The following NEGR1 variants were observed in gnomAD, a reference collection of about 807,000 sequenced individuals.
NEGR1 encodes the protein neuronal growth regulator 1.
A neutral mutation model predicts 40.9 loss-of-function variants in NEGR1; 10 were observed. The observed-to-expected ratio is 0.24, with a 90% CI of 0.15 to 0.42. The LOEUF (loss-of-function observed/expected upper bound fraction) is 0.42, where lower values mean the gene tolerates loss of function less well. NEGR1 is among the 10% of genes least tolerant of loss of function. NEGR1 has a pLI of 1.00. For synonymous variants in NEGR1, 185 were observed against 166.8 expected, an observed-to-expected ratio of 1.11 and a Z score of -0.84; for missense variants, 352 against 438.9, an observed-to-expected ratio of 0.80 and a Z score of 1.77.
At chr1:71,573,428 A>C (rs1648868169) in intron 6 of NEGR1, 2 of 152,384 alleles carry the variant, frequency 1.3e-5, no homozygotes, top group African/African-American at 2.4e-5. Context: ...TTCCATGGTC[A>C]CCAAGCAACC....
At chr1:71,520,834 T>G (rs1321284229) in intron 6 of NEGR1, among the ~76,000 whole-genome samples, 1 of 152,030 alleles carries the variant, frequency 6.6e-6, no homozygotes, top group African/African-American at 2.4e-5. Context: ...GAAGGTGATT[T>G]CACATATGAC....
At chr1:71,984,106 T>A (rs921437779) in intron 1 of NEGR1, among the ~76,000 whole-genome samples, 1 of 146,128 alleles carries the variant, frequency 6.8e-6, no homozygotes, top group Admixed American at 6.8e-5. Context: ...TTCAGTTATC[T>A]CTATGCTATC....
At chr1:71,913,252 T>A (rs1176043996) in intron 2 of NEGR1, among the ~76,000 whole-genome samples, 1 of 152,116 alleles carries the variant, frequency 6.6e-6, no homozygotes, top group Non-Finnish European at 1.5e-5. Flanking sequence ...GTAGCTGGGA[T>A]AACAGGCGCC....
intron 6 of NEGR1, among the ~76,000 whole-genome samples, chr1:71,526,122 A>G (rs1647213170): frequency 6.6e-6 from 1 of 151,604 alleles, no homozygotes; most frequent in African/African-American, 2.4e-5. Context: ...GTTTTCTGCT[A>G]TACTTTTATC....
rs10524992 is a variant in NEGR1 at position 71,834,887 on chromosome 1, T to TCACACACA, written c.410-58598_410-58591dup. On this transcript the variant is annotated intron_variant, in intron 2 of 6. Transcript: ENST00000357731. ...ACCGTCGTTTTAAGATTTTAGGAGA[T>TCACACACA]CACACACACACACACACACACAGCA... 8.4e-4 allele frequency among the ~76,000 whole-genome samples: 123 copies of TCACACACA among 146,352 alleles called. 1 individual carries two copies. The highest frequency in any genetic ancestry group is 2.7e-3 in the African/African-American group (108 of 39,678).
Position 72,282,308 on chromosome 1 carries a change from G to A in NEGR1, c.176+11C>T, listed in dbSNP as rs186841543. On this transcript the variant is annotated intron_variant, in intron 1 of 6. Coordinates refer to ENST00000357731, the MANE Select transcript of NEGR1 (RefSeq NM_173808.3). ...CCGAAACAAGTACGAAAAGCACGCC[G>A]TTCTTCCTACCTAAGCACCGCCGTG... 6.2e-7 allele frequency: 1 copy of A among 1,613,128 alleles called. No individual in the cohort carries two copies. The highest frequency in any genetic ancestry group is 2.2e-5 in the East Asian group (1 of 44,836).
chr1:71,493,003 C>T (rs533069388), intron 6 of NEGR1, among the ~76,000 whole-genome samples: 9 of 152,242 alleles, frequency 5.9e-5, no homozygotes, highest in African/African-American at 2.2e-4. Flanking sequence ...TTAGCTTAGT[C>T]ACTCAGGCTT....
intron 6 of NEGR1, among the ~76,000 whole-genome samples, chr1:71,583,753 C>T (rs1649211028): frequency 6.6e-6 from 1 of 152,110 alleles, no homozygotes; most frequent in South Asian, 2.1e-4. Flanking sequence ...TGTTGTTACT[C>T]TTGTCTTAGG....
At chr1:72,022,096 C>T (rs1039237484) in intron 1 of NEGR1, among the ~76,000 whole-genome samples, 7 of 151,762 alleles carry the variant, frequency 4.6e-5, no homozygotes, top group Admixed American at 3.9e-4. Context: ...GATGGCGCCA[C>T]TGCACTCCAG....
intron 2 of NEGR1, among the ~76,000 whole-genome samples, chr1:71,842,464 C>A (rs1405752199): frequency 6.6e-6 from 1 of 152,108 alleles, no homozygotes. Context: ...AGTCTAGGAT[C>A]TTAACGAAAT....
At chr1:71,583,074 G>A (rs926258540) in intron 6 of NEGR1, among the ~76,000 whole-genome samples, 1 of 151,852 alleles carries the variant, frequency 6.6e-6, no homozygotes, top group Non-Finnish European at 1.5e-5. Flanking sequence ...TCCTGGAGTT[G>A]AGGAGAAATA....
intron 2 of NEGR1, among the ~76,000 whole-genome samples, chr1:71,930,998 C>T (rs113503229): frequency 4.5e-4 from 69 of 152,160 alleles, no homozygotes; most frequent in African/African-American, 1.5e-3. Context: ...AGGCTCTCTG[C>T]AGCTGAGGCT....
chr1:71,577,651 T>G (rs1376068411), intron 6 of NEGR1, among the ~76,000 whole-genome samples: 3 of 152,190 alleles, frequency 2.0e-5, no homozygotes, highest in African/African-American at 7.2e-5. Flanking sequence ...TTTTCTGTTA[T>G]CCATCTATGT....
At chr1:72,141,660 G>T (rs564562577) in intron 1 of NEGR1, among the ~76,000 whole-genome samples, 1 of 151,908 alleles carries the variant, frequency 6.6e-6, no homozygotes, top group Non-Finnish European at 1.5e-5. Context: ...TTTGATTGAT[G>T]GAATTCTTTG....
chr1:71,736,063 C>A (rs921470597), intron 3 of NEGR1, among the ~76,000 whole-genome samples: 3 of 152,044 alleles, frequency 2.0e-5, no homozygotes, highest in African/African-American at 4.8e-5. Context: ...TATTTCATTA[C>A]CCTCAGTGTA....
intron 1 of NEGR1, among the ~76,000 whole-genome samples, chr1:72,089,633 T>TA (rs1648384473): frequency 6.6e-6 from 1 of 152,174 alleles, no homozygotes; most frequent in Non-Finnish European, 1.5e-5. Context: ...TCTTGGTACT[T>TA]ACATTTGTCC....
At chr1:71,914,996 G>A (rs1236610965) in intron 2 of NEGR1, among the ~76,000 whole-genome samples, 2 of 152,036 alleles carry the variant, frequency 1.3e-5, no homozygotes, top group African/African-American at 4.8e-5. Flanking sequence ...CTTTTGGGAT[G>A]CTATTAAGTC....
At chr1:71,839,101 A>C (rs1659144098) in intron 2 of NEGR1, among the ~76,000 whole-genome samples, 1 of 151,520 alleles carries the variant, frequency 6.6e-6, no homozygotes, top group African/African-American at 2.4e-5. Context: ...TGATCATCAG[A>C]CACTCATCCA....
chr1:71,621,261 C>A (rs1650598788), intron 4 of NEGR1, among the ~76,000 whole-genome samples: 1 of 151,814 alleles, frequency 6.6e-6, no homozygotes, highest in African/African-American at 2.4e-5. Flanking sequence ...TCAAGAAAAT[C>A]TTTCTGAAAG....
Sources: allele counts gnomAD v4.1 joint callset (sites outside exome capture counted in the v4.1 genomes callset), GRCh38; gene constraint gnomAD v4.1.1; transcripts MANE v1.5; gene names NCBI Gene and HGNC (gene_info 2026-07-23, HGNC 2026-07-21).